SMURF1: variants seen among roughly 807,000 people sequenced by gnomAD.
SMURF1 encodes the protein E3 ubiquitin-protein ligase SMURF1.
SMURF1 carries 44 observed loss-of-function variants against 98.0 expected under a neutral mutation model. The ratio of observed to expected loss-of-function variants is 0.45; its 90% CI spans 0.35 to 0.58. SMURF1 has a LOEUF of 0.58. Ranked by LOEUF, SMURF1 falls within the 20% of genes least tolerant of loss-of-function variation. SMURF1 has a pLI of 0.00. For synonymous variants in SMURF1, 396 were observed against 374.9 expected, an observed-to-expected ratio of 1.06 and a Z score of -0.65; for missense variants, 687 against 938.4, an observed-to-expected ratio of 0.73 and a Z score of 3.50.
intron 1 of SMURF1, among the ~76,000 whole-genome samples, chr7:99,115,279 C>T (rs903439182): frequency 2.6e-5 from 4 of 151,980 alleles, no homozygotes; most frequent in African/African-American, 9.7e-5. Context: ...AGATTTCAAT[C>T]ACTAGAAATA....
chr7:99,068,288 A>G (rs1796244252), intron 1 of SMURF1, among the ~76,000 whole-genome samples: 1 of 152,108 alleles, frequency 6.6e-6, no homozygotes, highest in African/African-American at 2.4e-5. Context: ...TAGCCACTAC[A>G]TCAATCTTTT....
At chr7:99,139,573 T>C (rs1359687149) in intron 1 of SMURF1, among the ~76,000 whole-genome samples, 1 of 152,228 alleles carries the variant, frequency 6.6e-6, no homozygotes, top group Non-Finnish European at 1.5e-5. Context: ...GATTCATTTG[T>C]GTACCAGATA....
chr7:99,122,238 G>C (rs1411666030), intron 1 of SMURF1, among the ~76,000 whole-genome samples: 2 of 151,418 alleles, frequency 1.3e-5, no homozygotes, highest in Non-Finnish European at 2.9e-5. Flanking sequence ...TGAGGCAGGA[G>C]AATCGCTTGA....
chr7:99,143,323 G>A (rs1420229900), intron 1 of SMURF1, among the ~76,000 whole-genome samples: 3 of 142,756 alleles, frequency 2.1e-5, no homozygotes, highest in Non-Finnish European at 4.6e-5. Context: ...AGAGGCAAGG[G>A]GCCGAGCCGG....
intron 1 of SMURF1, among the ~76,000 whole-genome samples, 187 bp downstream of exon 1, chr7:99,143,539 G>A (rs1346263917): frequency 7.1e-6 from 1 of 140,744 alleles, no homozygotes; most frequent in African/African-American, 2.6e-5. Flanking sequence ...CGGCCAGGGG[G>A]CGGGGCCGGG....
intron 5 of SMURF1, 58 bp downstream of exon 5, chr7:99,057,147 A>G (rs1194420700): frequency 6.3e-7 from 1 of 1,587,580 alleles, no homozygotes; most frequent in African/African-American, 1.3e-5. Flanking sequence ...CTCGGCGATG[A>G]AGGGTTGAAT....
intron 1 of SMURF1, among the ~76,000 whole-genome samples, chr7:99,064,840 A>G (rs984590174): frequency 1.3e-5 from 2 of 152,220 alleles, no homozygotes; most frequent in Admixed American, 6.5e-5. Context: ...TACAAAATAC[A>G]TACTTGAAAA....
intron 3 of SMURF1, among the ~76,000 whole-genome samples, chr7:99,060,043 G>T (rs1795992293): frequency 6.6e-6 from 1 of 151,952 alleles, no homozygotes; most frequent in Non-Finnish European, 1.5e-5. Flanking sequence ...TGAAAAGTTT[G>T]AGGATCACAT....
chr7:99,029,278 C>T lies in SMURF1; in HGVS notation c.*1306G>A, dbSNP rs781054455. ...AAAGAAACCACATAGGAACATTGGCCTGCTGTTTTCTGCCCAAGTTCAGCT... is the reference window on the plus strand; with the variant it reads ...AAAGAAACCACATAGGAACATTGGCTTGCTGTTTTCTGCCCAAGTTCAGCT... On this transcript the variant is annotated 3_prime_UTR_variant, in exon 18 of 18. Transcript: ENST00000361368. 1 of 152,658 alleles carries T rather than the reference C, an allele frequency of 6.6e-6. No individual in the cohort carries two copies. Among genetic ancestry groups the T allele is most frequent in the Admixed American group, 6.5e-5 (1 of 15,280 alleles). 9.5% of individuals were successfully genotyped at this position (152,658 alleles called of 1,614,324 possible).
chr7:99,030,501 GC>G lies in SMURF1; in HGVS notation c.*82del. On this transcript the variant is annotated 3_prime_UTR_variant, in exon 18 of 18. Coordinates refer to ENST00000361368, the MANE Select transcript of SMURF1 (RefSeq NM_181349.3). ...GGTGATCTGGAATTCCAGGGCCTCTGCCAGCTTTGCAGGAGGTGCACAGAAG... is the reference window on the plus strand; with the variant it reads ...GGTGATCTGGAATTCCAGGGCCTCTGCAGCTTTGCAGGAGGTGCACAGAAG... 1 of 1,149,348 alleles carries G rather than the reference GC, an allele frequency of 8.7e-7. No homozygotes were observed. The highest frequency in any genetic ancestry group is 1.3e-6 in the Non-Finnish European group (1 of 770,054). The allele number at this position is 1,149,348 out of a possible 1,614,324, so 71.2% of individuals were successfully genotyped here.
In SMURF1 at chr7:99,052,215, G is replaced by A. The variant is rs746410623; in HGVS notation, c.711C>T (p.Pro237=). Residue 237 remains proline (P), a synonymous_variant, in exon 7 of 18, where the codon CCC becomes CCT. Transcript: ENST00000361368. The part of the protein sequence containing the change: ...RPHGHQSPEL[P]EGYEQRTTVQ... ...GATACATTCTCTCACCGTAGCCTTC[G>A]GGCAGTTCCGGGGACTGGTGGCCGT... The A allele has an allele frequency of 1.2e-5, 18 of 1,564,594 alleles. No homozygotes were observed. Among genetic ancestry groups the A allele is most frequent in the East Asian group, 2.3e-5 (1 of 43,276 alleles).
chr7:99,115,728 A>T (rs1216579149), intron 1 of SMURF1, among the ~76,000 whole-genome samples: 1 of 152,200 alleles, frequency 6.6e-6, no homozygotes, highest in African/African-American at 2.4e-5. Flanking sequence ...CTCAACACAA[A>T]AATTAAAAAT....
At chr7:99,106,411 T>G (rs1329140310) in intron 1 of SMURF1, among the ~76,000 whole-genome samples, 1 of 152,232 alleles carries the variant, frequency 6.6e-6, no homozygotes, top group East Asian at 1.9e-4. Flanking sequence ...CAGCATTTAT[T>G]CCAGTAGGTC....
intron 12 of SMURF1, 54 bp downstream of exon 12, chr7:99,042,064 C>CA: frequency 7.3e-7 from 1 of 1,376,606 alleles, no homozygotes; most frequent in Non-Finnish European, 1.0e-6. Context: ...ACTGAAAATC[C>CA]ATCTCAAAAC....
In SMURF1 at chr7:99,050,890, G is replaced by T. The variant is rs1458638905; in HGVS notation, c.806+467C>A. 9.2e-6 allele frequency: 11 copies of T among 1,201,872 alleles called. No individual in the cohort carries two copies. The Admixed American group carries it at 1.3e-4, about 14-fold the overall frequency. 74.5% of individuals were successfully genotyped at this position (1,201,872 alleles called of 1,614,324 possible). On this transcript the variant is annotated intron_variant, in intron 8 of 17. Coordinates refer to ENST00000361368, the MANE Select transcript of SMURF1 (RefSeq NM_181349.3). The stretch of plus-strand genomic sequence containing the variant: ...AAAAAAAGAAACTTAACTCTGTTAT[G>T]GGGTGGGGGGGGGGTCTCTCTAACC...
At chr7:99,046,501 G>A (rs969455952) in intron 10 of SMURF1, among the ~76,000 whole-genome samples, 2 of 152,094 alleles carry the variant, frequency 1.3e-5, no homozygotes, top group Non-Finnish European at 2.9e-5. Context: ...GCCAAAGTGA[G>A]CGGATCACTT....
intron 1 of SMURF1, among the ~76,000 whole-genome samples, chr7:99,102,982 T>G (rs763245337): frequency 3.9e-5 from 6 of 152,010 alleles, no homozygotes; most frequent in Non-Finnish European, 7.4e-5. Flanking sequence ...TTTTCTATCT[T>G]TAGGGGAAAT....
intron 1 of SMURF1, among the ~76,000 whole-genome samples, chr7:99,140,563 A>C (rs1798095429): frequency 6.6e-6 from 1 of 151,976 alleles, no homozygotes; most frequent in Non-Finnish European, 1.5e-5. Flanking sequence ...CTGAGATTAC[A>C]GGTGTGAGCC....
chr7:99,078,715 T>C (rs1563019471), intron 1 of SMURF1, among the ~76,000 whole-genome samples: 1 of 152,216 alleles, frequency 6.6e-6, no homozygotes, highest in African/African-American at 2.4e-5. Flanking sequence ...GGGGTCTAGG[T>C]TGCACCCTTT....
Sources: gnomAD v4.1 joint callset for allele counts (sites outside exome capture counted in the v4.1 genomes callset) on GRCh38, gnomAD v4.1.1 for gene constraint, MANE v1.5 for transcripts, NCBI Gene and HGNC (gene_info 2026-07-23, HGNC 2026-07-21) for gene names.